DAB1: variants seen among roughly 807,000 people sequenced by gnomAD.
DAB1 encodes disabled homolog 1.
DAB1 carries 15 observed loss-of-function variants against 64.6 expected under a neutral mutation model. The ratio of observed to expected loss-of-function variants is 0.23; its 90% CI spans 0.16 to 0.36. The LOEUF is 0.36. Among genes scored for constraint, DAB1 ranks in the 10% least tolerant of loss-of-function variants. The pLI, the probability that DAB1 is intolerant of heterozygous loss-of-function variation, is 1.00. For synonymous variants in DAB1, 235 were observed against 251.9 expected (o/e 0.93, Z 0.64); for missense variants, 596 against 706.7 (o/e 0.84, Z 1.78).
intron 2 of DAB1, among the ~76,000 whole-genome samples, chr1:57,161,252 G>A (rs186670796): frequency 8.1e-4 from 124 of 152,264 alleles, no homozygotes; most frequent in African/African-American, 2.5e-3. Flanking sequence ...AGGCAGCACC[G>A]AGTGCTCAGA....
At chr1:57,628,053 A>C (rs1266016365) in intron 7 of DAB1, among the ~76,000 whole-genome samples, 1 of 152,202 alleles carries the variant, frequency 6.6e-6, no homozygotes, top group African/African-American at 2.4e-5. Context: ...TGTCTGCCAC[A>C]GGCGATGGTG....
chr1:57,015,544 G>T, intron 11 of DAB1, 113 bp from the exon 12 acceptor site: 1 of 947,094 alleles, frequency 1.1e-6, no homozygotes, highest in Non-Finnish European at 1.6e-6. Flanking sequence ...GTGCCAGACT[G>T]TGTGCCAGGG....
intron 3 of DAB1, among the ~76,000 whole-genome samples, chr1:58,491,498 G>C (rs1569880696): frequency 6.6e-6 from 1 of 152,244 alleles, no homozygotes; most frequent in Admixed American, 6.5e-5. Flanking sequence ...AGACCCATCA[G>C]TGTGCTGTAT....
At chr1:58,097,832 C>T (rs1421322471) in intron 5 of DAB1, among the ~76,000 whole-genome samples, 1 of 152,108 alleles carries the variant, frequency 6.6e-6, no homozygotes, top group Non-Finnish European at 1.5e-5. Context: ...GATTGGCACA[C>T]AGGGTGGAAA....
intron 3 of DAB1, among the ~76,000 whole-genome samples, chr1:58,473,541 C>CAAAAAAA (rs1295620920): frequency 6.1e-5 from 7 of 115,242 alleles, no homozygotes; most frequent in African/African-American, 1.8e-4. Context: ...GACTCCGTCT[C>CAAAAAAA]AAAAAAATAA....
At chr1:58,086,908 T>C (rs1650353040) in intron 5 of DAB1, among the ~76,000 whole-genome samples, 2 of 151,986 alleles carry the variant, frequency 1.3e-5, no homozygotes, top group Admixed American at 1.3e-4. Context: ...TGGCATTAGC[T>C]CTCCCATAGC....
chr1:57,322,194 G>A (rs753403379), intron 1 of DAB1, among the ~76,000 whole-genome samples: 12 of 152,196 alleles, frequency 7.9e-5, no homozygotes, highest in Middle Eastern at 3.4e-3. Flanking sequence ...CTCCCATGAC[G>A]TGATATCTAC....
chr1:57,920,535 C>T (rs189289156), intron 5 of DAB1, among the ~76,000 whole-genome samples: 2 of 152,180 alleles, frequency 1.3e-5, no homozygotes, highest in Admixed American at 6.5e-5. Context: ...CCAGGCTAGT[C>T]TTGGACTCCT....
At chr1:57,665,173 A>C (rs1183528369) in intron 6 of DAB1, among the ~76,000 whole-genome samples, 1 of 152,108 alleles carries the variant, frequency 6.6e-6, no homozygotes, top group Non-Finnish European at 1.5e-5. Context: ...TAATATTTTG[A>C]TACCTCAATA....
chr1:57,484,918 A>T (rs1302419741), intron 7 of DAB1, among the ~76,000 whole-genome samples: 1 of 152,190 alleles, frequency 6.6e-6, no homozygotes, highest in African/African-American at 2.4e-5. Flanking sequence ...TTTTCTGGAA[A>T]ATCACGAGAC....
intron 6 of DAB1, among the ~76,000 whole-genome samples, chr1:57,789,054 T>G (rs939716980): frequency 1.3e-5 from 2 of 152,014 alleles, no homozygotes; most frequent in Admixed American, 1.3e-4. Context: ...AGAAGAGGGC[T>G]GAGGAGGAAG....
chr1:58,216,222 G>A (rs989007964), intron 4 of DAB1, among the ~76,000 whole-genome samples: 2 of 151,490 alleles, frequency 1.3e-5, no homozygotes, highest in Admixed American at 1.3e-4. Flanking sequence ...ATGTTCCCCC[G>A]ACTGTGTTCA....
chr1:58,013,457 A>G (rs72667904), intron 5 of DAB1, among the ~76,000 whole-genome samples: 1 of 151,076 alleles, frequency 6.6e-6, no homozygotes, highest in Non-Finnish European at 1.5e-5. Flanking sequence ...CCTGAGCCAC[A>G]TGCTCCAAAA....
chr1:57,367,550 C>G (rs1039526078), intron 1 of DAB1, among the ~76,000 whole-genome samples: 8 of 152,174 alleles, frequency 5.3e-5, no homozygotes, highest in Non-Finnish European at 1.2e-4. Context: ...CCCAAAATGG[C>G]AGCTATCGAA....
At chr1:57,916,391 C>A (rs541154157) in intron 5 of DAB1, among the ~76,000 whole-genome samples, 23 of 152,326 alleles carry the variant, frequency 1.5e-4, no homozygotes, top group Admixed American at 3.3e-4. Context: ...ACTCCGATTT[C>A]TTCATGTTCA....
chr1:57,473,080 G>A (rs10493224), intron 7 of DAB1, among the ~76,000 whole-genome samples: 16,589 of 152,208 alleles, frequency 0.11, 1,656 homozygotes, highest in African/African-American at 0.26. Context: ...CACTGCACAT[G>A]ACTTTAGCTT....
downstream of DAB1, among the ~76,000 whole-genome samples, chr1:57,821,851 A>G (rs1652136033): frequency 6.6e-6 from 1 of 152,196 alleles, no homozygotes; most frequent in African/African-American, 2.4e-5. Context: ...GGCAAGAGAA[A>G]AAGTGTTAAC....
intron 11 of DAB1, among the ~76,000 whole-genome samples, chr1:57,021,564 G>T (rs1196534494): frequency 6.6e-6 from 1 of 152,110 alleles, no homozygotes; most frequent in Non-Finnish European, 1.5e-5. Context: ...ACATTCCTTT[G>T]CTCCTCCTTT....
At chr1:57,735,248 T>G (rs1647628434) in intron 6 of DAB1, among the ~76,000 whole-genome samples, 1 of 152,212 alleles carries the variant, frequency 6.6e-6, no homozygotes, top group African/African-American at 2.4e-5. Context: ...TTTTTACTAC[T>G]GGTTCTGCTA....
Sources: gnomAD v4.1 joint callset for allele counts (sites outside exome capture counted in the v4.1 genomes callset) on GRCh38, gnomAD v4.1.1 for gene constraint, MANE v1.5 for transcripts, NCBI Gene and HGNC (gene_info 2026-07-23, HGNC 2026-07-21) for gene names.